Variants in CTCF observed in about 807,000 individuals in gnomAD.
The protein encoded by CTCF is transcriptional repressor CTCF.
In CTCF, 7 loss-of-function variants were observed where a neutral mutation model predicts 72.3. That is an observed-to-expected ratio of 0.10 (90% CI 0.06 to 0.18). CTCF has a LOEUF of 0.18. CTCF is among the 10% of genes least tolerant of loss of function. CTCF has a pLI of 1.00. For missense variants in CTCF, 516 were observed against 949.1 expected, an observed-to-expected ratio of 0.54 and a Z score of 6.00; for synonymous variants, 374 against 315.8, an observed-to-expected ratio of 1.18 and a Z score of -1.95.
At chr16:67,577,604 A>AT (rs1229327206) in intron 2 of CTCF, among the ~76,000 whole-genome samples, 78 of 143,686 alleles carry the variant, frequency 5.4e-4, no homozygotes, top group Middle Eastern at 3.6e-3. Flanking sequence ...CGCCTGCCTA[A>AT]TTTTTTTTTT....
chr16:67,598,715 T>A (rs1326811384), intron 2 of CTCF, among the ~76,000 whole-genome samples: 1 of 152,268 alleles, frequency 6.6e-6, no homozygotes, highest in East Asian at 1.9e-4. Context: ...TGAAACTCGA[T>A]AAAAGCAATT....
chr16:67,585,407 T>TA (rs930115776), intron 2 of CTCF, among the ~76,000 whole-genome samples: 6 of 152,210 alleles, frequency 3.9e-5, no homozygotes, highest in African/African-American at 1.4e-4. Context: ...TTACCAACTT[T>TA]AAAAAAGTTT....
chr16:67,634,977 A>G (rs1445649768), intron 10 of CTCF, among the ~76,000 whole-genome samples: 2 of 152,078 alleles, frequency 1.3e-5, no homozygotes, highest in Non-Finnish European at 1.5e-5. Context: ...TGCTGGGATT[A>G]CAGGCATGAG....
intron 2 of CTCF, among the ~76,000 whole-genome samples, chr16:67,590,312 C>T (rs1005528618): frequency 3.9e-5 from 6 of 151,982 alleles, no homozygotes; most frequent in African/African-American, 7.2e-5. Flanking sequence ...AGTGGGCTTT[C>T]TTCAAGTAGC....
At position 67,628,356 on chromosome 16, in the gene CTCF, CT is replaced by C. The variant is rs775130957; in HGVS notation, c.1519-13del. 8 of 1,611,334 alleles carry C rather than the reference CT, an allele frequency of 5.0e-6. No individual in the cohort carries two copies. The highest frequency in any genetic ancestry group is 1.1e-5 in the South Asian group (1 of 91,014). On this transcript the variant is annotated splice_polypyrimidine_tract_variant and intron_variant, in intron 8 of 11. Transcript: ENST00000264010. The stretch of plus-strand genomic sequence containing the variant: ...TGAGCAGGCTCTGAGGCCTTTCCCC[CT>C]ATGCCGTTTCAGGAGAGGCACATGA...
intron 2 of CTCF, among the ~76,000 whole-genome samples, chr16:67,581,331 T>C (rs893394950): frequency 5.3e-5 from 8 of 150,680 alleles, no homozygotes; most frequent in Non-Finnish European, 1.2e-4. Flanking sequence ...TCTTTTTCTT[T>C]TTTTTTTTTT....
In CTCF at chr16:67,629,529, C is replaced by G. The variant is rs2142870015; in HGVS notation, c.1833C>G (p.Asp611Glu). The change falls in exon 10 of 12, where the codon GAC becomes GAG. Residue 611 changes from aspartate to glutamate, a missense_variant. Physicochemically the swap from Asp to Glu is conservative, Grantham distance 45. Coordinates refer to ENST00000264010, the MANE Select transcript of CTCF (RefSeq NM_006565.4). ...GCTCTAAGAAAGAAGATTCCTCTGACAGTGGTAAGTGACTTGTTCCTTGAT... is the reference window on the plus strand; with the variant it reads ...GCTCTAAGAAAGAAGATTCCTCTGAGAGTGGTAAGTGACTTGTTCCTTGAT... ...KMRSKKEDSSDSENAEPDLDD... is the reference protein window; with the variant it reads ...KMRSKKEDSSESENAEPDLDD... 1 of 1,612,998 alleles carries G rather than the reference C, an allele frequency of 6.2e-7. No individual in the cohort carries two copies. The highest frequency in any genetic ancestry group is 8.5e-7 in the Non-Finnish European group (1 of 1,179,674).
At chr16:67,627,463 C>G (rs1483627434) in intron 8 of CTCF, 1 of 151,978 alleles carries the variant, frequency 6.6e-6, no homozygotes, top group African/African-American at 2.4e-5. Context: ...TGCGCTCCAG[C>G]CTGGGTGGCA....
At chr16:67,596,308 T>G (rs2051814091) in intron 2 of CTCF, among the ~76,000 whole-genome samples, 1 of 152,164 alleles carries the variant, frequency 6.6e-6, no homozygotes, top group Admixed American at 6.6e-5. Context: ...TGCTGTCACA[T>G]TATTTTAGTT....
chr16:67,577,245 C>T (rs187241218), intron 2 of CTCF, among the ~76,000 whole-genome samples: 1,703 of 151,318 alleles, frequency 0.011, 25 homozygotes, highest in Non-Finnish European at 0.016. Flanking sequence ...AGTGAAACCC[C>T]GTTTCTACTA....
chr16:67,595,614 T>C (rs536355351), intron 2 of CTCF, among the ~76,000 whole-genome samples: 11 of 152,274 alleles, frequency 7.2e-5, no homozygotes, highest in African/African-American at 2.4e-4. Context: ...TATTGTTTCA[T>C]TGGGTTTTTA....
intron 2 of CTCF, among the ~76,000 whole-genome samples, chr16:67,599,986 A>G (rs1001782243): frequency 6.6e-6 from 1 of 152,162 alleles, no homozygotes; most frequent in Non-Finnish European, 1.5e-5. Flanking sequence ...TGGTGTGCTC[A>G]GGGGGGCTGG....
intron 2 of CTCF, among the ~76,000 whole-genome samples, chr16:67,588,299 T>TAC (rs1355489184): frequency 6.6e-6 from 1 of 152,226 alleles, no homozygotes; most frequent in Non-Finnish European, 1.5e-5. Flanking sequence ...TATTTTGTAA[T>TAC]ACATTTATTC....
At chr16:67,610,115 C>T (rs1597712682) in intron 2 of CTCF, among the ~76,000 whole-genome samples, 2 of 152,148 alleles carry the variant, frequency 1.3e-5, no homozygotes, top group East Asian at 3.9e-4. Flanking sequence ...ACTGGTTCTC[C>T]CTCCAATCAG....
intron 10 of CTCF, 76 bp downstream of exon 10, chr16:67,629,609 A>G: frequency 6.7e-7 from 1 of 1,490,680 alleles, no homozygotes. Flanking sequence ...ATGTATGGAT[A>G]TGCTGGGATA....
intron 2 of CTCF, among the ~76,000 whole-genome samples, chr16:67,572,956 C>T (rs529181537): frequency 7.4e-6 from 1 of 135,800 alleles, no homozygotes; most frequent in Non-Finnish European, 1.6e-5. Flanking sequence ...CGCCCCCCCC[C>T]CCAAAACAAC....
chr16:67,583,616 G>A (rs550839443), intron 2 of CTCF, among the ~76,000 whole-genome samples: 3 of 152,066 alleles, frequency 2.0e-5, no homozygotes, highest in Non-Finnish European at 4.4e-5. Context: ...GAACCTGGAA[G>A]GTGGAGGTTG....
At chr16:67,631,234 C>T (rs1222215745) in intron 10 of CTCF, among the ~76,000 whole-genome samples, 3 of 144,846 alleles carry the variant, frequency 2.1e-5, no homozygotes, top group Non-Finnish European at 4.5e-5. Flanking sequence ...AGTGCGATCT[C>T]TGCTCACTGC....
intron 1 of CTCF, among the ~76,000 whole-genome samples, chr16:67,569,707 A>T (rs965165802): frequency 6.6e-6 from 1 of 150,686 alleles, no homozygotes; most frequent in African/African-American, 2.4e-5. Flanking sequence ...TTTTAATGAG[A>T]CGGAGTCTAG....
Sources: allele counts gnomAD v4.1 joint callset (sites outside exome capture counted in the v4.1 genomes callset), GRCh38; gene constraint gnomAD v4.1.1; transcripts MANE v1.5; gene names NCBI Gene and HGNC (gene_info 2026-07-23, HGNC 2026-07-21).